The following LRBA variants were observed in gnomAD, a reference collection of about 807,000 sequenced individuals.
The protein encoded by LRBA is LPS responsive beige-like anchor protein.
In LRBA, 176 loss-of-function variants were observed where a neutral mutation model predicts 330.0. The observed-to-expected ratio is 0.53, with a 90% CI of 0.47 to 0.60. The LOEUF (loss-of-function observed/expected upper bound fraction) is 0.60, where lower values mean the gene tolerates loss of function less well. Among genes scored for constraint, LRBA ranks in the 20% least tolerant of loss-of-function variants. The pLI is 0.00. For synonymous variants in LRBA, 1,230 were observed against 1,193.0 expected, an observed-to-expected ratio of 1.03 and a Z score of -0.64; for missense variants, 3,259 against 3,444.8, an observed-to-expected ratio of 0.95 and a Z score of 1.35.
intron 2 of LRBA, among the ~76,000 whole-genome samples, chr4:150,961,019 T>A (rs1738077027): frequency 6.7e-6 from 1 of 149,156 alleles, no homozygotes; most frequent in Non-Finnish European, 1.5e-5. Flanking sequence ...GCCACCTCTC[T>A]GCTGAGTTAT....
At chr4:150,896,560 A>G (rs1730110900) in intron 15 of LRBA, 104 bp from the exon 16 acceptor site, 3 of 608,186 alleles carry the variant, frequency 4.9e-6, no homozygotes, top group Admixed American at 6.1e-5. Context: ...TATAAATATA[A>G]AAATATAATG....
intron 28 of LRBA, among the ~76,000 whole-genome samples, chr4:150,834,903 G>A (rs997899803): frequency 1.3e-5 from 2 of 152,278 alleles, no homozygotes; most frequent in South Asian, 4.1e-4. Flanking sequence ...GAATGGTACT[G>A]CCTAGGTTTT....
At position 150,564,263 on chromosome 4, in the gene LRBA, C is replaced by A. The variant is rs192803191; in HGVS notation, c.6330+23785G>T. On this transcript the variant is annotated intron_variant, in intron 40 of 56. Transcript: ENST00000651943. ...CTACAACCATCTCATCTTTGACAAA[C>A]CTGACAAAAACAAGAAATGGGGAAA... Among the ~76,000 whole-genome samples the A allele has an allele frequency of 6.3e-3, 962 of 152,102 alleles. 11 individuals are homozygous for A. Among genetic ancestry groups the A allele is most frequent in the African/African-American group, 0.022 (923 of 41,494 alleles).
intron 37 of LRBA, among the ~76,000 whole-genome samples, chr4:150,639,763 A>ATG (rs1355110593): frequency 4.4e-3 from 42 of 9,632 alleles, no homozygotes; most frequent in African/African-American, 0.012. Flanking sequence ...ATATATATAT[A>ATG]TATATATATA....
intron 47 of LRBA, among the ~76,000 whole-genome samples, chr4:150,380,922 CAGTG>C (rs1329585979): frequency 7.7e-6 from 1 of 129,346 alleles, no homozygotes; most frequent in Non-Finnish European, 1.5e-5. Flanking sequence ...GCGGGGGTTG[CAGTG>C]AGCCAAGATT....
intron 40 of LRBA, among the ~76,000 whole-genome samples, chr4:150,512,066 A>G (rs899781111): frequency 1.3e-5 from 2 of 152,264 alleles, no homozygotes; most frequent in Non-Finnish European, 2.9e-5. Flanking sequence ...CAATAAATGT[A>G]TACCCAATGA....
chr4:150,325,254 A>G (rs551375471), intron 49 of LRBA, among the ~76,000 whole-genome samples: 2 of 152,278 alleles, frequency 1.3e-5, no homozygotes, highest in Admixed American at 6.5e-5. Flanking sequence ...AAAGAGCAGA[A>G]AAGATTTTCA....
intron 34 of LRBA, among the ~76,000 whole-genome samples, chr4:150,795,460 G>A (rs549502687): frequency 2.0e-5 from 3 of 151,992 alleles, no homozygotes; most frequent in South Asian, 2.1e-4. Flanking sequence ...GAAATAAAGA[G>A]GATTTAAATT....
chr4:150,286,216 C>T (rs1228357434), intron 53 of LRBA, among the ~76,000 whole-genome samples, 182 bp from the exon 54 acceptor site: 2 of 152,118 alleles, frequency 1.3e-5, no homozygotes, highest in Non-Finnish European at 2.9e-5. Flanking sequence ...GGGCCACATC[C>T]TGCTAAAATG....
At chr4:150,423,810 T>C (rs1406205549) in intron 46 of LRBA, among the ~76,000 whole-genome samples, 2 of 152,152 alleles carry the variant, frequency 1.3e-5, no homozygotes, top group African/African-American at 2.4e-5. Flanking sequence ...AGAACTGTTT[T>C]AGGGTCTGGG....
At chr4:150,597,033 G>C (rs749426167) in intron 38 of LRBA, 2 of 908,644 alleles carry the variant, frequency 2.2e-6, no homozygotes, top group South Asian at 1.7e-5. Flanking sequence ...TAACATTTTG[G>C]AGTATGACAA....
intron 36 of LRBA, among the ~76,000 whole-genome samples, chr4:150,730,022 A>G (rs1730224885): frequency 6.6e-6 from 1 of 152,342 alleles, no homozygotes; most frequent in East Asian, 1.9e-4. Flanking sequence ...CTTAAATCTA[A>G]GACTTCAAAC....
At chr4:150,909,069 T>C (rs1389225049) in intron 9 of LRBA, among the ~76,000 whole-genome samples, 1 of 152,238 alleles carries the variant, frequency 6.6e-6, no homozygotes, top group Non-Finnish European at 1.5e-5. Flanking sequence ...CTTAAAAATG[T>C]AGAAGTGACC....
chr4:150,978,322 G>C (rs974821659), intron 2 of LRBA, among the ~76,000 whole-genome samples: 3 of 152,214 alleles, frequency 2.0e-5, no homozygotes, highest in Non-Finnish European at 4.4e-5. Context: ...GAGTCTACAA[G>C]AACCAAAGCA....
chr4:150,952,541 C>T (rs867802623), intron 2 of LRBA, among the ~76,000 whole-genome samples: 5 of 152,160 alleles, frequency 3.3e-5, no homozygotes, highest in Non-Finnish European at 7.4e-5. Flanking sequence ...AAGGCCATGT[C>T]CAACATCATT....
intron 42 of LRBA, among the ~76,000 whole-genome samples, chr4:150,478,353 G>A (rs1425934425): frequency 6.6e-6 from 1 of 152,076 alleles, no homozygotes; most frequent in Non-Finnish European, 1.5e-5. Flanking sequence ...CCCAGCCATG[G>A]GGATGGAAGG....
intron 36 of LRBA, chr4:150,720,935 G>T: frequency 2.5e-6 from 1 of 404,014 alleles, no homozygotes; most frequent in East Asian, 7.5e-5. Context: ...AAAGTTCTAA[G>T]GGAATTTAAG....
At chr4:150,679,575 A>C (rs1449623090) in intron 37 of LRBA, 1 of 152,208 alleles carries the variant, frequency 6.6e-6, no homozygotes. Flanking sequence ...AGAGAGCATC[A>C]CAAAGATTTT....
chr4:150,451,819 C>A (rs371549444), intron 44 of LRBA, among the ~76,000 whole-genome samples: 1 of 152,150 alleles, frequency 6.6e-6, no homozygotes, highest in South Asian at 2.1e-4. Context: ...AATGAAGGGA[C>A]AACTTAGATG....
Sources: allele counts gnomAD v4.1 joint callset (sites outside exome capture counted in the v4.1 genomes callset), GRCh38; gene constraint gnomAD v4.1.1; transcripts MANE v1.5; gene names NCBI Gene and HGNC (gene_info 2026-07-23, HGNC 2026-07-21).